TPH2: variants seen among roughly 807,000 people sequenced by gnomAD.
The protein encoded by TPH2 is tryptophan 5-hydroxylase 2.
A neutral mutation model predicts 59.1 loss-of-function variants in TPH2; 27 were observed. The observed-to-expected ratio is 0.46, with a 90% CI of 0.34 to 0.63. The LOEUF (loss-of-function observed/expected upper bound fraction) is 0.63, where lower values mean the gene tolerates loss of function less well. Ranked by LOEUF, TPH2 falls within the 30% of genes least tolerant of loss-of-function variation. The pLI is 0.01. For missense variants in TPH2, 523 were observed against 588.3 expected, an observed-to-expected ratio of 0.89 and a Z score of 1.15; for synonymous variants, 220 against 210.5, an observed-to-expected ratio of 1.05 and a Z score of -0.39.
rs186173522 is a variant in TPH2, at chr12:71,949,575, T to G, written c.541-13T>G. On this transcript the variant is annotated splice_polypyrimidine_tract_variant and intron_variant, in intron 4 of 10. Transcript: ENST00000333850. The stretch of plus-strand genomic sequence containing the variant: ...GCACTTTGTTAAATAACTTAATCTT[T>G]TTTGTGTTTAAGGGATTTAAGGACA... 2.1e-5 allele frequency: 34 copies of G among 1,610,474 alleles called. No individual in the cohort carries two copies. The East Asian group carries it at 7.1e-4, about 34-fold the overall frequency.
chr12:71,970,973 A>G (rs1291073933), intron 5 of TPH2, among the ~76,000 whole-genome samples: 2 of 152,246 alleles, frequency 1.3e-5, no homozygotes, highest in Non-Finnish European at 2.9e-5. Flanking sequence ...TGGGGGCAGG[A>G]GAAACTCCAT....
chr12:72,029,457 G>A (rs2139251535), intron 9 of TPH2, among the ~76,000 whole-genome samples: 2 of 152,286 alleles, frequency 1.3e-5, no homozygotes, highest in Middle Eastern at 3.4e-3. Context: ...GAAAATCATG[G>A]CAAGCCAACA....
intron 1 of TPH2, among the ~76,000 whole-genome samples, chr12:71,940,768 C>A (rs1871035583): frequency 6.6e-6 from 1 of 152,034 alleles, no homozygotes; most frequent in African/African-American, 2.4e-5. Context: ...TTTTCTTTAG[C>A]CAGCAGGATT....
chr12:71,961,424 G>A (rs1470161430), intron 5 of TPH2: 9 of 749,332 alleles, frequency 1.2e-5, no homozygotes, highest in Admixed American at 3.5e-5. Context: ...GGATAATCAC[G>A]CTTCTTCATC....
chr12:72,031,350 C>G lies in TPH2; in HGVS notation c.1257C>G (p.Tyr419Ter). The G allele has an allele frequency of 6.2e-7, 1 of 1,613,704 alleles. No homozygotes were observed. The highest frequency in any genetic ancestry group is 8.5e-7 in the Non-Finnish European group (1 of 1,179,668). The change falls in exon 10 of 11, where the codon TAC becomes TAG. Residue 419 changes from tyrosine (Y) to a stop codon, truncating the protein, a stop_gained. Transcript: ENST00000333850. LOFTEE classifies it high-confidence loss of function. ...ECLITTFQEA[Y>*]FVSESFEEAK... ...TTATCACCACCTTCCAGGAAGCCTA[C>G]TTTGTTTCAGAAAGTTTTGAAGAAG...
Position 72,031,695 on chromosome 12 carries a change from A to T in TPH2, c.1473A>T (p.Ter491CysextTer15). 1.2e-6 allele frequency: 2 copies of T among 1,613,382 alleles called. No individual in the cohort carries two copies. The highest frequency in any genetic ancestry group is 1.7e-6 in the Non-Finnish European group (2 of 1,179,358). Residue 491 changes from the stop codon to cysteine (C), a stop_lost, in exon 11 of 11, where the codon TGA (stop) becomes TGT (cysteine). Coordinates refer to ENST00000333850, the MANE Select transcript of TPH2 (RefSeq NM_173353.4). ...AAATGAACCAATATCTGGGGATTTG[A>T]TGCCTGGAACTATGTTGTTGCCAGC... is the stretch of plus-strand genomic sequence containing the variant. ...LNKMNQYLGI[*>C]
intron 7 of TPH2, among the ~76,000 whole-genome samples, chr12:71,990,091 G>C (rs936359628): frequency 6.6e-6 from 1 of 152,096 alleles, no homozygotes; most frequent in Non-Finnish European, 1.5e-5. Context: ...TGTATCAAAG[G>C]GATGGGAGTT....
At chr12:71,943,680 AGATCCTGTCTT>A (rs944465776) in intron 2 of TPH2, among the ~76,000 whole-genome samples, 1 of 151,986 alleles carries the variant, frequency 6.6e-6, no homozygotes, top group Non-Finnish European at 1.5e-5. Context: ...TTGCCTTCAA[AGATCCTGTCTT>A]GACTACTTAT....
intron 7 of TPH2, among the ~76,000 whole-genome samples, chr12:71,981,179 G>A (rs965199061): frequency 1.3e-5 from 2 of 152,116 alleles, no homozygotes; most frequent in Non-Finnish European, 2.9e-5. Context: ...CAAGTCAGGG[G>A]AAACAGCAAG....
At chr12:72,015,767 A>G (rs1267769331) in intron 8 of TPH2, among the ~76,000 whole-genome samples, 1 of 152,002 alleles carries the variant, frequency 6.6e-6, no homozygotes, top group African/African-American at 2.4e-5. Flanking sequence ...ATCTGAAAGG[A>G]CCCTGGAATT....
At chr12:72,014,217 G>A (rs17110690) in intron 8 of TPH2, among the ~76,000 whole-genome samples, 29,583 of 151,768 alleles carry the variant, frequency 0.19, 3,148 homozygotes, top group East Asian at 0.3. Context: ...AACCATGTTA[G>A]TGAGGACTAG....
chr12:71,993,743 A>C (rs763168917), intron 7 of TPH2, among the ~76,000 whole-genome samples: 1 of 152,226 alleles, frequency 6.6e-6, no homozygotes, highest in Non-Finnish European at 1.5e-5. Flanking sequence ...TGACAATAGA[A>C]TCCTCTGCCA....
At chr12:71,985,721 TA>T (rs1039785587) in intron 7 of TPH2, among the ~76,000 whole-genome samples, 5 of 152,130 alleles carry the variant, frequency 3.3e-5, no homozygotes, top group Admixed American at 6.5e-5. Context: ...TCCTTACTTT[TA>T]TTTGGTGACC....
rs1871556458 is a variant in TPH2 at position 71,957,898 on chromosome 12, C to T, written c.608+8243C>T. Among the ~76,000 whole-genome samples, 5 of 152,304 alleles carry T rather than the reference C, an allele frequency of 3.3e-5. No homozygotes were observed. In the South Asian group the frequency reaches 1.0e-3, roughly 32 times the overall value. On this transcript the variant is annotated intron_variant, in intron 5 of 10. Transcript: ENST00000333850. The stretch of plus-strand genomic sequence containing the variant: ...ATGTTGGACTCATCCCTGAATGGCT[C>T]ATTTTGGTAAAAATGTTCATTATGT...
In TPH2 at chr12:72,016,097, G is replaced by A. The variant is rs146008643; in HGVS notation, c.1069-6302G>A. ...TCTGGCAACCACTAGTTTTGGAACC[G>A]GGCAAACCACTTGAACTTTGAGTCT... is the stretch of plus-strand genomic sequence containing the variant. On this transcript the variant is annotated intron_variant, in intron 8 of 10. Transcript: ENST00000333850. Among the ~76,000 whole-genome samples the A allele has an allele frequency of 3.9e-5, 6 of 152,194 alleles. 1 individual carries two copies. The East Asian group carries it at 1.2e-3, about 29-fold the overall frequency.
intron 4 of TPH2, among the ~76,000 whole-genome samples, chr12:71,944,929 G>A (rs939575465): frequency 6.6e-6 from 1 of 152,172 alleles, no homozygotes; most frequent in Non-Finnish European, 1.5e-5. Context: ...AGGAGGAGAC[G>A]CTAAACCTTG....
chr12:71,980,365 A>C (rs983013653), intron 7 of TPH2, among the ~76,000 whole-genome samples: 1 of 152,098 alleles, frequency 6.6e-6, no homozygotes, highest in African/African-American at 2.4e-5. Flanking sequence ...GGAGCAGAGA[A>C]GCTTTTGAGG....
At chr12:72,031,201 A>G in intron 9 of TPH2, 57 bp from the exon 10 acceptor site, 1 of 1,610,938 alleles carries the variant, frequency 6.2e-7, no homozygotes. Context: ...ATGTGATGTC[A>G]TGGAGCTTCG....
intron 5 of TPH2, among the ~76,000 whole-genome samples, chr12:71,952,215 C>A (rs768201354): frequency 6.6e-6 from 1 of 152,020 alleles, no homozygotes; most frequent in African/African-American, 2.4e-5. Context: ...CAAGAGTTTG[C>A]GTTTGCCACC....
Sources: allele counts gnomAD v4.1 joint callset (sites outside exome capture counted in the v4.1 genomes callset), GRCh38; gene constraint gnomAD v4.1.1; transcripts MANE v1.5; gene names NCBI Gene and HGNC (gene_info 2026-07-23, HGNC 2026-07-21).